Variants in MACROD2 observed in about 807,000 individuals in gnomAD.
The protein encoded by MACROD2 is ADP-ribose glycohydrolase MACROD2.
A neutral mutation model predicts 70.4 loss-of-function variants in MACROD2; 36 were observed. The ratio of observed to expected loss-of-function variants is 0.51; its 90% CI spans 0.39 to 0.68. The LOEUF is 0.68. Ranked by LOEUF, MACROD2 falls within the 30% of genes least tolerant of loss-of-function variation. MACROD2 has a pLI of 0.00. For synonymous variants in MACROD2, 172 were observed against 178.8 expected (o/e 0.96, Z 0.30); for missense variants, 496 against 538.4 (o/e 0.92, Z 0.78).
intron 5 of MACROD2, among the ~76,000 whole-genome samples, chr20:14,874,755 A>G (rs997425198): frequency 3.3e-5 from 5 of 151,496 alleles, no homozygotes; most frequent in Admixed American, 2.0e-4. Flanking sequence ...CCCAGGCTGG[A>G]GTGCAGTGGT....
chr20:14,497,267 C>A lies in MACROD2; in HGVS notation c.301+3759C>A, dbSNP rs541972611. Among the ~76,000 whole-genome samples the A allele has an allele frequency of 2.0e-5, 3 of 151,834 alleles. No individual in the cohort carries two copies. In the East Asian group the frequency reaches 5.8e-4, roughly 29 times the overall value. Reference sequence around the variant, plus strand: ...TTGGATTGCTGCCCAGATTCATATACTTTTTTGTGCATTTGAGATTCAGTC... The same window carrying A: ...TTGGATTGCTGCCCAGATTCATATAATTTTTTGTGCATTTGAGATTCAGTC... On this transcript the variant is annotated intron_variant, in intron 4 of 17. Transcript: ENST00000684519.
chr20:14,985,716 GAGTTT>G (rs2074842397), intron 5 of MACROD2, among the ~76,000 whole-genome samples: 1 of 143,002 alleles, frequency 7.0e-6, no homozygotes, highest in African/African-American at 2.7e-5. Flanking sequence ...GATGATAAAT[GAGTTT>G]AGTTCTTTCT....
chr20:15,729,518 T>C (rs935682286), intron 8 of MACROD2, among the ~76,000 whole-genome samples: 2 of 152,182 alleles, frequency 1.3e-5, no homozygotes, highest in African/African-American at 4.8e-5. Context: ...TGTGGTTATC[T>C]ACGTCTCTCC....
intron 4 of MACROD2, among the ~76,000 whole-genome samples, chr20:14,594,784 C>T (rs905171240): frequency 9.2e-5 from 14 of 152,206 alleles, no homozygotes; most frequent in African/African-American, 3.4e-4. Flanking sequence ...CCCAGATACT[C>T]GGGATGCTGA....
intron 15 of MACROD2, among the ~76,000 whole-genome samples, chr20:16,025,602 A>G (rs183965280): frequency 1.4e-5 from 2 of 145,804 alleles, no homozygotes; most frequent in Non-Finnish European, 2.9e-5. Flanking sequence ...GAATTCAGGA[A>G]GCCGCCTGGG....
chr20:15,707,372 AT>A (rs1402988220), intron 8 of MACROD2, among the ~76,000 whole-genome samples: 3 of 152,188 alleles, frequency 2.0e-5, no homozygotes, highest in Non-Finnish European at 4.4e-5. Flanking sequence ...TCAACAAATA[AT>A]TATCATGCCT....
In MACROD2 at chr20:15,896,739, A is replaced by T. The variant is rs138109463; in HGVS notation, c.775+10928A>T. On this transcript the variant is annotated intron_variant, in intron 10 of 17. Transcript: ENST00000684519. ...ACAACTTCTAAATGTATTTATTTGC[A>T]TTTTTATGCTGTGTACTTTTGAATA... Among the ~76,000 whole-genome samples the T allele has an allele frequency of 2.4e-3, 364 of 152,256 alleles. 1 individual carries two copies. Among genetic ancestry groups the T allele is most frequent in the African/African-American group, 8.4e-3 (350 of 41,566 alleles).
rs138509500 is a variant in MACROD2 at position 14,168,653 on chromosome 20, T to C, written c.271+82925T>C. ...GGGCTTTGCCAAATACATAATGTTATGTATCCACTACAGTATTATACAGGA... is the reference window on the plus strand; with the variant it reads ...GGGCTTTGCCAAATACATAATGTTACGTATCCACTACAGTATTATACAGGA... On this transcript the variant is annotated intron_variant, in intron 3 of 17. Coordinates refer to ENST00000684519, the MANE Select transcript of MACROD2 (RefSeq NM_001351661.2). 4.6e-5 allele frequency among the ~76,000 whole-genome samples: 7 copies of C among 152,302 alleles called. No individual in the cohort carries two copies. In the South Asian group the frequency reaches 6.2e-4, roughly 14 times the overall value.
intron 5 of MACROD2, among the ~76,000 whole-genome samples, chr20:15,082,312 C>G (rs1249622491): frequency 6.6e-6 from 1 of 152,054 alleles, no homozygotes; most frequent in Non-Finnish European, 1.5e-5. Flanking sequence ...AAGAAACAAA[C>G]AAAAACTTTT....
chr20:14,580,683 A>C (rs1166420418), intron 4 of MACROD2, among the ~76,000 whole-genome samples: 1 of 152,226 alleles, frequency 6.6e-6, no homozygotes, highest in Non-Finnish European at 1.5e-5. Flanking sequence ...ATAGCTAAAA[A>C]TGAAAACTAG....
chr20:15,521,487 G>A (rs370501386), intron 8 of MACROD2, among the ~76,000 whole-genome samples: 9 of 152,152 alleles, frequency 5.9e-5, no homozygotes, highest in Non-Finnish European at 8.8e-5. Flanking sequence ...CTTTGAAGCC[G>A]GATAAGTATT....
Position 15,402,307 on chromosome 20 carries a change from G to T in MACROD2, c.541-29098G>T, listed in dbSNP as rs146564794. Among the ~76,000 whole-genome samples, 218 of 152,280 alleles carry T rather than the reference G, an allele frequency of 1.4e-3. 1 individual carries two copies. Among genetic ancestry groups the T allele is most frequent in the African/African-American group, 5.1e-3 (214 of 41,562 alleles). On this transcript the variant is annotated intron_variant, in intron 6 of 17. Coordinates refer to ENST00000684519, the MANE Select transcript of MACROD2 (RefSeq NM_001351661.2). The stretch of plus-strand genomic sequence containing the variant: ...GAAGTTAAAAGATAAACTTGGCTGT[G>T]TATATCCTATTTCATAACTGCCTAA...
At chr20:14,870,702 G>A (rs2073477715) in intron 5 of MACROD2, among the ~76,000 whole-genome samples, 1 of 151,998 alleles carries the variant, frequency 6.6e-6, no homozygotes, top group Non-Finnish European at 1.5e-5. Context: ...GATCAGTGAT[G>A]TTGAGGTTTT....
intron 7 of MACROD2, among the ~76,000 whole-genome samples, chr20:15,461,006 A>ATATATATATTTTT: frequency 6.9e-4 from 46 of 66,998 alleles, no homozygotes; most frequent in African/African-American, 1.6e-3. Context: ...ATATATATAT[A>ATATATATATTTTT]TTTTTTTTTA....
intron 8 of MACROD2, among the ~76,000 whole-genome samples, chr20:15,837,774 ATCTC>A (rs890774844): frequency 6.6e-6 from 1 of 152,172 alleles, no homozygotes; most frequent in Non-Finnish European, 1.5e-5. Context: ...GCTGTGGTCT[ATCTC>A]TGATGATGTA....
intron 4 of MACROD2, among the ~76,000 whole-genome samples, chr20:14,552,901 T>C (rs1455458516): frequency 2.0e-5 from 3 of 152,128 alleles, no homozygotes; most frequent in East Asian, 3.9e-4. Flanking sequence ...GGTGAGTGAA[T>C]GTGAAGGACT....
At chr20:15,453,975 C>T (rs964205007) in intron 7 of MACROD2, among the ~76,000 whole-genome samples, 1 of 152,098 alleles carries the variant, frequency 6.6e-6, no homozygotes, top group African/African-American at 2.4e-5. Context: ...TTAACATTGG[C>T]CTGTGTCTCC....
chr20:15,553,603 A>G (rs1338742472), intron 8 of MACROD2, among the ~76,000 whole-genome samples: 3 of 152,050 alleles, frequency 2.0e-5, no homozygotes, highest in Admixed American at 6.6e-5. Context: ...AATTTTTAGT[A>G]GAGTTGGGGT....
intron 5 of MACROD2, among the ~76,000 whole-genome samples, chr20:15,180,950 A>G (rs1441633418): frequency 2.6e-5 from 4 of 152,212 alleles, no homozygotes; most frequent in African/African-American, 9.6e-5. Context: ...TACTACAGTG[A>G]CTTCTTAATG....
Sources: allele counts gnomAD v4.1 joint callset (sites outside exome capture counted in the v4.1 genomes callset), GRCh38; gene constraint gnomAD v4.1.1; transcripts MANE v1.5; gene names NCBI Gene and HGNC (gene_info 2026-07-23, HGNC 2026-07-21).